The following PCDH18 variants were observed in gnomAD, a reference collection of about 807,000 sequenced individuals.
The protein encoded by PCDH18 is protocadherin-18.
PCDH18 carries 38 observed loss-of-function variants against 71.5 expected under a neutral mutation model. The ratio of observed to expected loss-of-function variants is 0.53; its 90% CI spans 0.41 to 0.70. The LOEUF (loss-of-function observed/expected upper bound fraction) is 0.70. PCDH18 is among the 30% of genes least tolerant of loss of function. The pLI, the probability that PCDH18 is intolerant of heterozygous loss-of-function variation, is 0.00. For synonymous variants in PCDH18, 565 were observed against 505.4 expected (o/e 1.12, Z -1.58); for missense variants, 1,334 against 1,384.6 (o/e 0.96, Z 0.58).
intron 1 of PCDH18, 157 bp from the exon 2 acceptor site, chr4:137,528,977 G>A (rs961160662): frequency 6.0e-5 from 37 of 617,710 alleles, no homozygotes; most frequent in Non-Finnish European, 8.9e-5. Flanking sequence ...GGCGGACCAC[G>A]CAGCCAGCTA....
intron 3 of PCDH18, among the ~76,000 whole-genome samples, chr4:137,527,781 A>G (rs1245794565): frequency 3.3e-5 from 5 of 152,186 alleles, no homozygotes. Flanking sequence ...TAGTCAGTTC[A>G]GAGAGTTCCT....
rs1578752147 is a variant in PCDH18, at chr4:137,532,245, T to C, written c.-157A>G. The C allele has an allele frequency of 1.4e-6, 1 of 723,914 alleles. No individual in the cohort carries two copies. The highest frequency in any genetic ancestry group is 2.5e-6 in the Non-Finnish European group (1 of 400,188). The allele number at this position is 723,914 out of a possible 1,614,324, so 44.8% of individuals were successfully genotyped here. A position where few individuals can be genotyped will look rare whatever the true frequency, so the allele number is the denominator to read the frequency against. ...AATTAACAGCTCGCAAACTTTTGTT[T>C]TATACACACCGTGTCACGACTTCCA... is the stretch of plus-strand genomic sequence containing the variant. On this transcript the variant is annotated 5_prime_UTR_variant, in exon 1 of 4. Transcript: ENST00000344876.
chr4:137,523,334 A>G (rs1731356587), intron 3 of PCDH18, among the ~76,000 whole-genome samples: 1 of 146,636 alleles, frequency 6.8e-6, no homozygotes, highest in Admixed American at 6.8e-5. Context: ...GGAAATGTTT[A>G]CCAACTTTTT....
Position 137,521,310 on chromosome 4 carries a change from G to T in PCDH18, c.3127C>A (p.Pro1043Thr). Residue 1043 changes from proline to threonine, a missense_variant, in exon 4 of 4, where the codon CCA becomes ACA. Physicochemically the swap from Pro to Thr is conservative, Grantham distance 38. Around this residue, in one of 3 missense-constraint regions of PCDH18, gnomAD observed 319 missense variants for 316.3 expected, o/e 1.01. Coordinates refer to ENST00000344876, the MANE Select transcript of PCDH18 (RefSeq NM_019035.5). ...TGTGGGTAACCCACAGTTTTGGCTGGCAAGGGTCCCTTCCTGCGCTCCAGG... is the reference window on the plus strand; with the variant it reads ...TGTGGGTAACCCACAGTTTTGGCTGTCAAGGGTCCCTTCCTGCGCTCCAGG... ...NSLERRKGPLPAKTVGYPQGV... is the reference protein window; with the variant it reads ...NSLERRKGPLTAKTVGYPQGV... 6.2e-7 allele frequency: 1 copy of T among 1,614,152 alleles called. No homozygotes were observed. Among genetic ancestry groups the T allele is most frequent in the Non-Finnish European group, 8.5e-7 (1 of 1,180,024 alleles).
rs1382401645 is a variant in PCDH18 at position 137,530,564 on chromosome 4, T to A, written c.1525A>T (p.Ile509Phe). 6.2e-7 allele frequency: 1 copy of A among 1,614,112 alleles called. No homozygotes were observed. Reference sequence around the variant, plus strand: ...TATGTAGTTATGGAACTTCCTAGAATAAAACTCTCCAAGATGGTGTATGTC... The same window carrying A: ...TATGTAGTTATGGAACTTCCTAGAAAAAAACTCTCCAAGATGGTGTATGTC... ...QVTYTILESF[I>F]LGSSITTYVT... The change falls in exon 1 of 4, where the codon ATT becomes TTT. Residue 509 changes from isoleucine (I) to phenylalanine (F), a missense_variant. Ile to Phe is a conservative substitution (Grantham distance 21). Transcript: ENST00000344876.
chr4:137,522,642 C>A (rs939760829), intron 3 of PCDH18, among the ~76,000 whole-genome samples: 22 of 152,198 alleles, frequency 1.4e-4, no homozygotes, highest in Non-Finnish European at 2.4e-4. Context: ...GCAGAAAATG[C>A]AAAATAATTC....
rs1317775677 is a variant in PCDH18, at chr4:137,521,539, ACT to A, written c.2896_2897del (p.Leu967Ter). 6.2e-7 allele frequency: 1 copy of A among 1,613,610 alleles called. No individual in the cohort carries two copies. Among genetic ancestry groups the A allele is most frequent in the Non-Finnish European group, 8.5e-7 (1 of 1,179,936 alleles). On this transcript the variant is annotated frameshift_variant, in exon 4 of 4. Coordinates refer to ENST00000344876, the MANE Select transcript of PCDH18 (RefSeq NM_019035.5). LOFTEE classifies it high-confidence loss of function. Reference protein sequence around the residue: ...TQPQQQHPHQSLEDDAQPADS... With the variant: ...TQPQQQHPHQXLEDDAQPADS... ...CTGCAGGCTGAGCGTCATCCTCAAG[ACT>A]CTGATGTGGATGCTGCTGCTGGGGT...
Position 137,528,538 on chromosome 4 carries a change from CTATT to C in PCDH18, c.2676_2679del (p.Asp894GlyfsTer21). 1 of 1,613,982 alleles carries C rather than the reference CTATT, an allele frequency of 6.2e-7. No individual in the cohort carries two copies. The highest frequency in any genetic ancestry group is 2.2e-5 in the East Asian group (1 of 44,862). ...CTGAATCCTTCACCCAACAGCCTAT[CTATT>C]GGAGAATCTCGCCCCAAATCATAAT... On this transcript the variant is annotated frameshift_variant, in exon 3 of 4. Coordinates refer to ENST00000344876, the MANE Select transcript of PCDH18 (RefSeq NM_019035.5). LOFTEE classifies it high-confidence loss of function.
chr4:137,526,516 A>G (rs1731465638), intron 3 of PCDH18, among the ~76,000 whole-genome samples: 1 of 152,106 alleles, frequency 6.6e-6, no homozygotes, highest in African/African-American at 2.4e-5. Context: ...AAAGTGTCTG[A>G]TTCTAAATAT....
rs147227952 is a variant in PCDH18 at position 137,523,990 on chromosome 4, C to T, written c.2741-2294G>A. Among the ~76,000 whole-genome samples, 929 of 152,242 alleles carry T rather than the reference C, an allele frequency of 6.1e-3. 3 individuals are homozygous for T. Among genetic ancestry groups the T allele is most frequent in the Non-Finnish European group, 8.8e-3 (599 of 68,006 alleles). On this transcript the variant is annotated intron_variant, in intron 3 of 3. Transcript: ENST00000344876. ...AGTAACGGTGCAGAAGAGGGCATTTCTTGCAACCTCATTGATATTGTCAAC... is the reference window on the plus strand; with the variant it reads ...AGTAACGGTGCAGAAGAGGGCATTTTTTGCAACCTCATTGATATTGTCAAC...
Position 137,521,328 on chromosome 4 carries a change from G to A in PCDH18, c.3109C>T (p.Arg1037Cys), listed in dbSNP as rs548085192. Residue 1037 changes from arginine (R) to cysteine (C), a missense_variant, in exon 4 of 4, where the codon CGC (arginine) becomes TGC (cysteine). Coordinates refer to ENST00000344876, the MANE Select transcript of PCDH18 (RefSeq NM_019035.5). The part of the protein sequence containing the change: ...SEVDRSNSLE[R>C]RKGPLPAKTV... ...TTGGCTGGCAAGGGTCCCTTCCTGC[G>A]CTCCAGGGAGTTGGACCGATCCACC... The A allele has an allele frequency of 1.6e-5, 26 of 1,614,090 alleles. No individual in the cohort carries two copies. Among genetic ancestry groups the A allele is most frequent in the African/African-American group, 6.7e-5 (5 of 75,018 alleles).
intron 3 of PCDH18, among the ~76,000 whole-genome samples, chr4:137,523,788 A>G (rs139063261): frequency 6.6e-6 from 1 of 152,356 alleles, no homozygotes; most frequent in African/African-American, 2.4e-5. Context: ...ATGCTCAAAA[A>G]TAAGTTTGGT....
At chr4:137,521,892 G>T (rs1175711263) in intron 3 of PCDH18, among the ~76,000 whole-genome samples, 196 bp from the exon 4 acceptor site, 1 of 152,132 alleles carries the variant, frequency 6.6e-6, no homozygotes, top group Non-Finnish European at 1.5e-5. Flanking sequence ...ACCTCCATAA[G>T]TGTTATCTTC....
At position 137,529,596 on chromosome 4, in the gene PCDH18, T is replaced by A; in HGVS notation, c.2487+6A>T. ...TGCAATGAATTGATGCGGTTTATGA[T>A]CTTACCTCAACAGCAGGAGTGGCGT... On this transcript the variant is annotated splice_donor_region_variant and intron_variant, in intron 1 of 3. Transcript: ENST00000344876. 6.3e-7 allele frequency: 1 copy of A among 1,576,840 alleles called. No homozygotes were observed. Among genetic ancestry groups the A allele is most frequent in the Non-Finnish European group, 8.6e-7 (1 of 1,156,190 alleles).
rs1184530506 is a variant in PCDH18 at position 137,530,460 on chromosome 4, A to G, written c.1629T>C (p.Phe543=). ...FDHEEVSQIT[F]VVEARDGGSP... ...TTCCTCCATCTCTTGCTTCTACCAC[A>G]AAAGTGATCTGACTCACTTCTTCAT... The change falls in exon 1 of 4, where the codon TTT becomes TTC. Residue 543 remains phenylalanine (F), a synonymous_variant. Coordinates refer to ENST00000344876, the MANE Select transcript of PCDH18 (RefSeq NM_019035.5). 1 of 1,614,128 alleles carries G rather than the reference A, an allele frequency of 6.2e-7. No homozygotes were observed. The highest frequency in any genetic ancestry group is 1.7e-5 in the Admixed American group (1 of 60,018).
chr4:137,532,144 C>T lies in PCDH18; in HGVS notation c.-56G>A. 7.3e-7 allele frequency: 1 copy of T among 1,365,986 alleles called. No individual in the cohort carries two copies. The allele number at this position is 1,365,986 out of a possible 1,614,324, so 84.6% of individuals were successfully genotyped here. A position where few individuals can be genotyped will look rare whatever the true frequency, so the allele number is the denominator to read the frequency against. Reference sequence around the variant, plus strand: ...CAAGTTAAAACAGCAAAGCAATTGCCTCAACTTCCTTTGGCAACGTAAAGC... The same window carrying T: ...CAAGTTAAAACAGCAAAGCAATTGCTTCAACTTCCTTTGGCAACGTAAAGC... On this transcript the variant is annotated 5_prime_UTR_variant, in exon 1 of 4. Transcript: ENST00000344876.
Position 137,530,267 on chromosome 4 carries a change from T to G in PCDH18, c.1822A>C (p.Arg608=). Residue 608 remains arginine (R), a synonymous_variant, in exon 1 of 4, where the codon AGA becomes CGA. Coordinates refer to ENST00000344876, the MANE Select transcript of PCDH18 (RefSeq NM_019035.5). The stretch of plus-strand genomic sequence containing the variant: ...AGTTCAGCATTCACACCAGAGTCTC[T>G]GTCAATTGCCCTTATTCTTGTGACA... ...FHVTRIRAID[R]DSGVNAELSC... is the part of the protein sequence containing the mutation. The G allele has an allele frequency of 6.2e-7, 1 of 1,614,130 alleles. No individual in the cohort carries two copies. The highest frequency in any genetic ancestry group is 1.1e-5 in the South Asian group (1 of 91,062).
Position 137,531,091 on chromosome 4 carries a change from G to A in PCDH18, c.998C>T (p.Ser333Leu). ...TATAATTTTGCAATGGGCTGGGATT[G>A]AATTTGGACCCAAATCTTGAGCCTG... ...DVQAQDLGPN[S>L]IPAHCKIIIK... is the part of the protein sequence containing the mutation. The change falls in exon 1 of 4, where the codon TCA becomes TTA. Residue 333 changes from serine to leucine, a missense_variant. By Grantham distance (145) the Ser-to-Leu change is moderately radical. This residue lies in a region of PCDH18 where 1,011 missense variants were observed against 1,048.0 expected (regional missense o/e 0.96). Transcript: ENST00000344876. The A allele has an allele frequency of 6.2e-7, 1 of 1,613,622 alleles. No homozygotes were observed. Among genetic ancestry groups the A allele is most frequent in the Non-Finnish European group, 8.5e-7 (1 of 1,179,706 alleles).
At chr4:137,523,346 T>A (rs1204289425) in intron 3 of PCDH18, among the ~76,000 whole-genome samples, 1 of 152,120 alleles carries the variant, frequency 6.6e-6, no homozygotes, top group African/African-American at 2.4e-5. Flanking sequence ...CAACTTTTTT[T>A]TTTTTAATTT....
Sources: allele counts gnomAD v4.1 joint callset (sites outside exome capture counted in the v4.1 genomes callset), GRCh38; gene constraint gnomAD v4.1.1; regional missense constraint gnomAD v4.1.1; transcripts MANE v1.5; gene names NCBI Gene and HGNC (gene_info 2026-07-23, HGNC 2026-07-21).